DCT: variants seen among roughly 807,000 people sequenced by gnomAD.
DCT encodes dopachrome tautomerase, also known as L-dopachrome tautomerase.
DCT carries 47 observed loss-of-function variants against 53.0 expected under a neutral mutation model. That is an observed-to-expected ratio of 0.89 (90% confidence interval 0.70 to 1.13). The LOEUF (loss-of-function observed/expected upper bound fraction) is 1.13. DCT is among the 50% of genes most tolerant of loss of function. DCT has a pLI of 0.00. For missense variants in DCT, 669 were observed against 637.4 expected, an observed-to-expected ratio of 1.05 and a Z score of -0.53; for synonymous variants, 244 against 237.0, an observed-to-expected ratio of 1.03 and a Z score of -0.27.
the DCT span, among the ~76,000 whole-genome samples, chr13:94,510,508 A>C: frequency 6.6e-6 from 1 of 152,232 alleles, no homozygotes; most frequent in Non-Finnish European, 1.5e-5. Flanking sequence ...ACTCATTCTT[A>C]ATTTTCATAC....
At chr13:94,441,234 T>C (rs1055275410) in intron 7 of DCT, among the ~76,000 whole-genome samples, 3 of 152,218 alleles carry the variant, frequency 2.0e-5, no homozygotes, top group Non-Finnish European at 2.9e-5. Context: ...GCCAACTTCA[T>C]CTTCTTAAAA....
the DCT span, among the ~76,000 whole-genome samples, chr13:94,547,984 A>AAATAT: frequency 3.0e-5 from 2 of 65,846 alleles, no homozygotes; most frequent in African/African-American, 2.6e-4. Flanking sequence ...AAAAAAAAAA[A>AAATAT]ATATATATAT....
the DCT span, among the ~76,000 whole-genome samples, chr13:94,528,247 T>A: frequency 0.4 from 61,385 of 151,946 alleles, 13,131 homozygotes; most frequent in East Asian, 0.62. Context: ...TTCCCTAACC[T>A]AGCAAAGCAG....
Position 94,465,687 on chromosome 13 carries a change from G to A in DCT, c.809C>T (p.Pro270Leu), listed in dbSNP as rs200220737. ...TCTTGAGTTCCGACTAATCAGAGTC[G>A]GATCGTCTGGTCTCGCTGCCCCAAA... Reference protein sequence around the residue: ...QLFGAARPDDPTLISRNSRFS... With the variant: ...QLFGAARPDDLTLISRNSRFS... The change falls in exon 4 of 8, where the codon CCG becomes CTG. Residue 270 changes from proline to leucine, a missense_variant. Transcript: ENST00000377028. 219 of 1,613,428 alleles carry A rather than the reference G, an allele frequency of 1.4e-4. 1 individual carries two copies. In the South Asian group the frequency reaches 1.7e-3, roughly 13 times the overall value.
the DCT span, among the ~76,000 whole-genome samples, chr13:94,539,143 C>T: frequency 6.6e-6 from 1 of 152,160 alleles, no homozygotes; most frequent in South Asian, 2.1e-4. Context: ...AAATCAAACC[C>T]ACCTTTTGAG....
chr13:94,472,435 C>A (rs1300953183), intron 1 of DCT, among the ~76,000 whole-genome samples: 1 of 146,666 alleles, frequency 6.8e-6, no homozygotes, highest in Non-Finnish European at 1.5e-5. Context: ...GCTACCATAG[C>A]TTTTATGTTA....
intron 5 of DCT, 116 bp downstream of exon 5, chr13:94,461,894 C>T (rs1207496394): frequency 3.7e-6 from 3 of 812,906 alleles, no homozygotes; most frequent in Non-Finnish European, 5.7e-6. Context: ...GGCCTCTCTC[C>T]ATCACTTAGC....
At chr13:94,458,341 C>G (rs1266328977) in intron 6 of DCT, among the ~76,000 whole-genome samples, 1 of 152,166 alleles carries the variant, frequency 6.6e-6, no homozygotes, top group East Asian at 1.9e-4. Flanking sequence ...TTTCCACAGT[C>G]CTCCATTCTC....
In DCT at chr13:94,465,426, T is replaced by C. The variant is rs377276746; in HGVS notation, c.863+207A>G. ...CAAAATGATGGCCAAGCATAACCAATTCACAAATGTGATTTTGATATTTTT... is the reference window on the plus strand; with the variant it reads ...CAAAATGATGGCCAAGCATAACCAACTCACAAATGTGATTTTGATATTTTT... On this transcript the variant is annotated intron_variant, in intron 4 of 7. Transcript: ENST00000377028. 1,487 of 364,386 alleles carry C rather than the reference T, an allele frequency of 4.1e-3. 19 individuals are homozygous for C. Among genetic ancestry groups the C allele is most frequent in the African/African-American group, 0.031 (1,346 of 43,386 alleles). 22.6% of individuals were successfully genotyped at this position (364,386 alleles called of 1,614,324 possible).
At chr13:94,507,720 T>C in the DCT span, among the ~76,000 whole-genome samples, 98 of 152,308 alleles carry the variant, frequency 6.4e-4, 1 homozygote, top group Admixed American at 1.2e-3. Context: ...CAGGATGGTC[T>C]CGATCTCCTG....
the DCT span, among the ~76,000 whole-genome samples, chr13:94,539,063 A>G: frequency 6.6e-6 from 1 of 152,164 alleles, no homozygotes; most frequent in Non-Finnish European, 1.5e-5. Context: ...GAACTCCAAT[A>G]GACTTTTTAT....
At chr13:94,548,289 C>T in the DCT span, among the ~76,000 whole-genome samples, 3 of 151,786 alleles carry the variant, frequency 2.0e-5, no homozygotes, top group African/African-American at 4.8e-5. Context: ...AATGCTGGCT[C>T]GTAGTGGGAG....
chr13:94,484,086 C>T (rs1426636921), upstream of DCT, among the ~76,000 whole-genome samples: 1 of 152,220 alleles, frequency 6.6e-6, no homozygotes, highest in East Asian at 1.9e-4. Context: ...TGCAGCTGCA[C>T]ATCCACCACA....
At chr13:94,481,275 T>C (rs1484205720), upstream of DCT, among the ~76,000 whole-genome samples, 8 of 152,244 alleles carry the variant, frequency 5.3e-5, no homozygotes, top group Non-Finnish European at 8.8e-5. Context: ...CAAAGTCACA[T>C]TCACAGGTTC....
chr13:94,457,938 CT>C (rs578016877), intron 6 of DCT, among the ~76,000 whole-genome samples: 31 of 152,258 alleles, frequency 2.0e-4, no homozygotes, highest in African/African-American at 6.7e-4. Flanking sequence ...TGATGTCCCC[CT>C]ATCAGACATA....
the DCT span, among the ~76,000 whole-genome samples, chr13:94,504,526 C>G: frequency 6.6e-6 from 1 of 152,132 alleles, no homozygotes; most frequent in African/African-American, 2.4e-5. Flanking sequence ...TGCCACAATG[C>G]CCGGCTAATT....
At chr13:94,517,927 C>T in the DCT span, among the ~76,000 whole-genome samples, 2 of 151,900 alleles carry the variant, frequency 1.3e-5, no homozygotes, top group African/African-American at 2.4e-5. Flanking sequence ...AAGCATGGTC[C>T]CCACTGATTT....
Position 94,460,116 on chromosome 13 carries a change from G to T in DCT, c.1154C>A (p.Ser385Ter). 1 of 1,614,086 alleles carries T rather than the reference G, an allele frequency of 6.2e-7. No individual in the cohort carries two copies. The highest frequency in any genetic ancestry group is 1.1e-5 in the South Asian group (1 of 91,056). The change falls in exon 6 of 8, where the codon TCA (serine) becomes TAA (stop). Residue 385 changes from serine (S) to a stop codon, truncating the protein, a stop_gained. Transcript: ENST00000377028. LOFTEE classifies it high-confidence loss of function. ...FLNGTNALPH[S>*]AANDPIFVVL... ...CACAAAAATGGGATCATTGGCGGCT[G>T]AATGTGGCAAAGCGTTTGTCCCGTT...
At chr13:94,467,019 A>G (rs1884268646) in intron 2 of DCT, 1 of 155,546 alleles carries the variant, frequency 6.4e-6, no homozygotes, top group African/African-American at 2.4e-5. Flanking sequence ...CCTAAAGGAA[A>G]TATATTTTTT....
Sources: gnomAD v4.1 joint callset for allele counts (sites outside exome capture counted in the v4.1 genomes callset) on GRCh38, gnomAD v4.1.1 for gene constraint, MANE v1.5 for transcripts, NCBI Gene and HGNC (gene_info 2026-07-23, HGNC 2026-07-21) for gene names.